Variants in KDM1B observed in about 807,000 individuals in gnomAD.
KDM1B encodes lysine demethylase 1B.
KDM1B carries 63 observed loss-of-function variants against 107.4 expected under a neutral mutation model. The observed-to-expected ratio is 0.59, with a 90% CI of 0.48 to 0.72. The LOEUF (loss-of-function observed/expected upper bound fraction) is 0.72, where lower values mean the gene tolerates loss of function less well. KDM1B is among the 30% of genes least tolerant of loss of function. The pLI, the probability that KDM1B is intolerant of heterozygous loss-of-function variation, is 0.00. For missense variants in KDM1B, 749 were observed against 1,020.8 expected (o/e 0.73, Z 3.63); for synonymous variants, 363 against 363.9 (o/e 1.00, Z 0.03).
rs1788627166 is a variant in KDM1B, at chr6:18,209,030, C to T, written c.1866+824C>T. Among the ~76,000 whole-genome samples, 1 of 152,114 alleles carries T rather than the reference C, an allele frequency of 6.6e-6. No individual in the cohort carries two copies. Among genetic ancestry groups the T allele is most frequent in the Non-Finnish European group, 1.5e-5 (1 of 68,022 alleles). On this transcript the variant is annotated intron_variant, in intron 17 of 21. Coordinates refer to ENST00000650836, the MANE Select transcript of KDM1B (RefSeq NM_001364614.2). The surrounding 1 kb of genome is among the most constrained non-coding windows in gnomAD (Gnocchi z 4.3). ...TTTTACTTTTATTCTGTGCTCTCCA[C>T]ATTTTTTTAAACCACGGAATCCTTC...
At chr6:18,221,874 T>C (rs763595551) in intron 21 of KDM1B, 35 bp from the exon 22 acceptor site, 3 of 1,513,524 alleles carry the variant, frequency 2.0e-6, no homozygotes, top group Non-Finnish European at 2.7e-6. Flanking sequence ...CTCAACTCTA[T>C]GCATGATCTC....
intron 10 of KDM1B, among the ~76,000 whole-genome samples, chr6:18,194,927 A>G (rs1032682137): frequency 5.3e-5 from 8 of 152,186 alleles, no homozygotes; most frequent in Admixed American, 1.3e-4. Context: ...CCCTATACCA[A>G]TTAAACAGTC....
At chr6:18,219,361 C>A (rs1388861643) in intron 21 of KDM1B, among the ~76,000 whole-genome samples, 1 of 152,044 alleles carries the variant, frequency 6.6e-6, no homozygotes, top group Non-Finnish European at 1.5e-5. Flanking sequence ...TTTTCTCTTT[C>A]TTTCTAGAGA....
chr6:18,178,000 T>C (rs908034427), intron 7 of KDM1B, among the ~76,000 whole-genome samples: 8 of 152,212 alleles, frequency 5.3e-5, no homozygotes, highest in Non-Finnish European at 1.0e-4. Flanking sequence ...TAATATTCAC[T>C]GAGGATATCT....
chr6:18,179,350 T>A (rs1229760872), intron 7 of KDM1B, among the ~76,000 whole-genome samples: 1 of 152,364 alleles, frequency 6.6e-6, no homozygotes, highest in Non-Finnish European at 1.5e-5. Flanking sequence ...ACTTTGTTAC[T>A]TTCCTTTCTT....
Position 18,171,473 on chromosome 6 carries a change from T to C in KDM1B, c.528T>C (p.Ala176=), listed in dbSNP as rs1785659610. Reference sequence around the variant, plus strand: ...GATGCGGTATGAAACCAAATACTGCTATTAAGGTATGTTCTCTTTTTGCTT... The same window carrying C: ...GATGCGGTATGAAACCAAATACTGCCATTAAGGTATGTTCTCTTTTTGCTT... ...TYRCGMKPNT[A]IKPETSDHCS... is the part of the protein sequence containing the mutation. Residue 176 remains alanine, a synonymous_variant, in exon 7 of 22, where the codon GCT becomes GCC. Coordinates refer to ENST00000650836, the MANE Select transcript of KDM1B (RefSeq NM_001364614.2). 5.9e-6 allele frequency: 9 copies of C among 1,535,944 alleles called. No individual in the cohort carries two copies. The highest frequency in any genetic ancestry group is 6.3e-6 in the Non-Finnish European group (7 of 1,108,686).
In KDM1B at chr6:18,168,277, C is replaced by T. The variant is rs142163270; in HGVS notation, c.417+1899C>T. On this transcript the variant is annotated intron_variant, in intron 6 of 21. Transcript: ENST00000650836. ...AGGGAAGCCCTAATTCTTGCTACCCCCAGTTCCTGGTAACCGCTAATCTGC... is the reference window on the plus strand; with the variant it reads ...AGGGAAGCCCTAATTCTTGCTACCCTCAGTTCCTGGTAACCGCTAATCTGC... Among the ~76,000 whole-genome samples, 12 of 152,296 alleles carry T rather than the reference C, an allele frequency of 7.9e-5. No homozygotes were observed. In the East Asian group the frequency reaches 2.1e-3, roughly 27 times the overall value.
intron 8 of KDM1B, among the ~76,000 whole-genome samples, 181 bp from the exon 9 acceptor site, chr6:18,187,611 C>A (rs1786959188): frequency 6.6e-6 from 1 of 152,004 alleles, no homozygotes; most frequent in Admixed American, 6.6e-5. Context: ...TGTTATCAGC[C>A]CATTTTTGTT....
chr6:18,221,884 C>T, intron 21 of KDM1B, 25 bp from the exon 22 acceptor site: 1 of 1,566,982 alleles, frequency 6.4e-7, no homozygotes, highest in Non-Finnish European at 8.7e-7. Flanking sequence ...TGCATGATCT[C>T]AAATTATGTA....
chr6:18,168,078 ATAT>A (rs1166456529), intron 6 of KDM1B, among the ~76,000 whole-genome samples: 1 of 152,236 alleles, frequency 6.6e-6, no homozygotes, highest in Non-Finnish European at 1.5e-5. Flanking sequence ...AATTTTAAAA[ATAT>A]TATAAGTAAT....
At position 18,201,044 on chromosome 6, in the gene KDM1B, T is replaced by G. The variant is rs1370514765; in HGVS notation, c.1360-442T>G. 6.6e-6 allele frequency among the ~76,000 whole-genome samples: 1 copy of G among 152,256 alleles called. No homozygotes were observed. Among genetic ancestry groups the G allele is most frequent in the East Asian group, 1.9e-4 (1 of 5,206 alleles). Reference sequence around the variant, plus strand: ...CAGCCTGTCTTTAATCTGGCAGTCATAGAGAGTTTATTTGAAGAGTTGGTA... The same window carrying G: ...CAGCCTGTCTTTAATCTGGCAGTCAGAGAGAGTTTATTTGAAGAGTTGGTA... On this transcript the variant is annotated intron_variant, in intron 13 of 21. Coordinates refer to ENST00000650836, the MANE Select transcript of KDM1B (RefSeq NM_001364614.2). This position sits in a 1 kb window ranked among gnomAD's most constrained non-coding sequence, Gnocchi z 4.3.
At chr6:18,177,466 T>C (rs1004646910) in intron 7 of KDM1B, among the ~76,000 whole-genome samples, 4 of 151,874 alleles carry the variant, frequency 2.6e-5, no homozygotes, top group South Asian at 2.1e-4. Context: ...TTAGTTCTTG[T>C]CTGATCTCGG....
Position 18,205,601 on chromosome 6 carries a change from G to C in KDM1B, c.1596G>C (p.Glu532Asp). Reference protein sequence around the residue: ...KESGIQFSELEGQVLQFHLSN... With the variant: ...KESGIQFSELDGQVLQFHLSN... ...CTGGTATCCAATTCAGTGAGCTGGA[G>C]GGACAGGTGCTTCAGTTCCATCTCA... The change falls in exon 15 of 22, where the codon GAG becomes GAC. Residue 532 changes from glutamate (E) to aspartate (D), a missense_variant. By Grantham distance (45) the Glu-to-Asp change is conservative. Coordinates refer to ENST00000650836, the MANE Select transcript of KDM1B (RefSeq NM_001364614.2). This position sits in a 1 kb window ranked among gnomAD's most constrained non-coding sequence, Gnocchi z 5.7. 1 of 1,544,696 alleles carries C rather than the reference G, an allele frequency of 6.5e-7. No homozygotes were observed. Among genetic ancestry groups the C allele is most frequent in the Non-Finnish European group, 8.7e-7 (1 of 1,144,176 alleles).
chr6:18,181,588 A>G (rs1319106070), intron 7 of KDM1B, among the ~76,000 whole-genome samples: 2 of 152,042 alleles, frequency 1.3e-5, no homozygotes, highest in East Asian at 3.9e-4. Flanking sequence ...TCTACAAAGA[A>G]TACAAAAATT....
chr6:18,175,285 A>G (rs373541186), intron 7 of KDM1B, among the ~76,000 whole-genome samples: 1 of 152,148 alleles, frequency 6.6e-6, no homozygotes, highest in African/African-American at 2.4e-5. Context: ...TTATATATCT[A>G]CTTTGAGAAT....
chr6:18,217,033 A>C, intron 20 of KDM1B, among the ~76,000 whole-genome samples: 1 of 152,142 alleles, frequency 6.6e-6, no homozygotes, highest in East Asian at 1.9e-4. Flanking sequence ...GAGAATTCCA[A>C]CCTGTGATCC....
rs899118373 is a variant in KDM1B at position 18,209,199 on chromosome 6, A to C, written c.1866+993A>C. 3.9e-5 allele frequency among the ~76,000 whole-genome samples: 6 copies of C among 152,306 alleles called. No individual in the cohort carries two copies. Among genetic ancestry groups the C allele is most frequent in the African/African-American group, 9.6e-5 (4 of 41,568 alleles). On this transcript the variant is annotated intron_variant, in intron 17 of 21. Coordinates refer to ENST00000650836, the MANE Select transcript of KDM1B (RefSeq NM_001364614.2). The surrounding 1 kb of genome is among the most constrained non-coding windows in gnomAD (Gnocchi z 4.3). ...GAATCAAATACCTGAAATCACACTG[A>C]GATTTATAGTATTGGAGAATAAAGG... is the stretch of plus-strand genomic sequence containing the variant.
In KDM1B at chr6:18,162,169, A is replaced by C. The variant is rs992151735; in HGVS notation, c.216-666A>C. On this transcript the variant is annotated intron_variant, in intron 4 of 21. Coordinates refer to ENST00000650836, the MANE Select transcript of KDM1B (RefSeq NM_001364614.2). The surrounding 1 kb of genome is among the most constrained non-coding windows in gnomAD (Gnocchi z 4.1). ...AACCCTGTCTCTACTAAAAATACAC[A>C]AATTAGCTGGGCACGGTGGCAGAAG... Among the ~76,000 whole-genome samples the C allele has an allele frequency of 6.6e-6, 1 of 152,000 alleles. No homozygotes were observed. The highest frequency in any genetic ancestry group is 2.4e-5 in the African/African-American group (1 of 41,392).
At chr6:18,195,984 C>T (rs138164450) in intron 10 of KDM1B, among the ~76,000 whole-genome samples, 4,109 of 152,152 alleles carry the variant, frequency 0.027, 80 homozygotes, top group Non-Finnish European at 0.041. Flanking sequence ...AACATCTCCC[C>T]GCTATTCCCC....
Sources: allele counts gnomAD v4.1 joint callset (sites outside exome capture counted in the v4.1 genomes callset), GRCh38; gene constraint gnomAD v4.1.1; non-coding constraint Gnocchi (gnomAD v3.1); transcripts MANE v1.5; gene names NCBI Gene and HGNC (gene_info 2026-07-23, HGNC 2026-07-21).